Variants in ZNRF1 observed in about 807,000 individuals in gnomAD.
ZNRF1 encodes the protein zinc and ring finger 1, also known as E3 ubiquitin-protein ligase ZNRF1.
Under a neutral mutation model 18.4 loss-of-function variants are expected in ZNRF1, and 3 were observed. The ratio of observed to expected loss-of-function variants is 0.16; its 90% CI spans 0.07 to 0.42. ZNRF1 has a LOEUF of 0.42. ZNRF1 is among the 10% of genes least tolerant of loss of function. ZNRF1 has a pLI of 0.99. For missense variants in ZNRF1, 310 were observed against 329.8 expected (o/e 0.94, Z 0.47); for synonymous variants, 157 against 144.2 (o/e 1.09, Z -0.64).
At chr16:75,060,816 T>C (rs762450558) in intron 1 of ZNRF1, among the ~76,000 whole-genome samples, 22 of 152,246 alleles carry the variant, frequency 1.4e-4, no homozygotes, top group Non-Finnish European at 2.2e-4. Flanking sequence ...GCTTTGATTT[T>C]GATGGTAGAA....
intron 1 of ZNRF1, among the ~76,000 whole-genome samples, chr16:75,064,212 G>T (rs1269589401): frequency 1.3e-5 from 2 of 152,038 alleles, no homozygotes; most frequent in African/African-American, 4.8e-5. Flanking sequence ...GAGTTGGGAG[G>T]ATCAGTTGAG....
intron 1 of ZNRF1, among the ~76,000 whole-genome samples, chr16:75,084,084 C>T (rs2036046825): frequency 6.6e-6 from 1 of 152,224 alleles, no homozygotes; most frequent in African/African-American, 2.4e-5. Context: ...AACACCTGCT[C>T]CCTGGTCACT....
intron 1 of ZNRF1, among the ~76,000 whole-genome samples, chr16:75,058,303 C>T (rs767145690): frequency 2.0e-5 from 3 of 151,974 alleles, no homozygotes; most frequent in Non-Finnish European, 4.4e-5. Context: ...ATCTGAGGAG[C>T]GCTGTGGCTG....
chr16:75,104,908 G>A lies in ZNRF1; in HGVS notation c.626+19G>A. The A allele has an allele frequency of 6.4e-7, 1 of 1,567,350 alleles. No homozygotes were observed. Among genetic ancestry groups the A allele is most frequent in the Non-Finnish European group, 8.7e-7 (1 of 1,152,450 alleles). ...ACAAAAGGTAGGAGGGGTTGGCAAGGTAGCTTAGTGCACCCCACCTCCCAG... is the reference window on the plus strand; with the variant it reads ...ACAAAAGGTAGGAGGGGTTGGCAAGATAGCTTAGTGCACCCCACCTCCCAG... On this transcript the variant is annotated intron_variant, in intron 3 of 4. Coordinates refer to ENST00000335325, the MANE Select transcript of ZNRF1 (RefSeq NM_032268.5).
At chr16:75,085,813 A>T (rs1390241249) in intron 1 of ZNRF1, among the ~76,000 whole-genome samples, 1 of 147,360 alleles carries the variant, frequency 6.8e-6, no homozygotes, top group African/African-American at 2.6e-5. Flanking sequence ...AGAGAGAGAG[A>T]GAGAGTGAGT....
chr16:75,017,586 C>G (rs1002930315), intron 1 of ZNRF1, among the ~76,000 whole-genome samples: 1 of 152,120 alleles, frequency 6.6e-6, no homozygotes, highest in East Asian at 1.9e-4. Context: ...TGATCTGCTC[C>G]TGGGAATTGG....
intron 1 of ZNRF1, among the ~76,000 whole-genome samples, chr16:75,089,766 G>T (rs773829170): frequency 1.3e-5 from 2 of 152,130 alleles, no homozygotes; most frequent in Non-Finnish European, 2.9e-5. Flanking sequence ...TCTAGGACAT[G>T]AATGTCTGGT....
intron 2 of ZNRF1, among the ~76,000 whole-genome samples, chr16:75,098,517 C>T (rs962022459): frequency 6.6e-5 from 10 of 152,214 alleles, no homozygotes; most frequent in African/African-American, 2.4e-4. Flanking sequence ...AGAGCACAGC[C>T]CCCCAGATTT....
At chr16:75,069,590 T>G (rs968391308) in intron 1 of ZNRF1, among the ~76,000 whole-genome samples, 1 of 152,196 alleles carries the variant, frequency 6.6e-6, no homozygotes, top group Non-Finnish European at 1.5e-5. Flanking sequence ...ATTTTTGTAT[T>G]TTTAGTAGAG....
At chr16:75,038,816 G>A (rs1472314118) in intron 1 of ZNRF1, among the ~76,000 whole-genome samples, 1 of 152,038 alleles carries the variant, frequency 6.6e-6, no homozygotes, top group Admixed American at 6.6e-5. Context: ...CCACTCCTTT[G>A]AGCCATACTG....
intron 1 of ZNRF1, among the ~76,000 whole-genome samples, chr16:75,071,323 C>G (rs983489778): frequency 6.6e-6 from 1 of 152,170 alleles, no homozygotes; most frequent in Non-Finnish European, 1.5e-5. Flanking sequence ...TGGTCTCGAA[C>G]TCCTGACCTC....
chr16:75,096,091 TGTGTGTGTG>T, intron 2 of ZNRF1, among the ~76,000 whole-genome samples: 1 of 149,554 alleles, frequency 6.7e-6, no homozygotes. Context: ...TGTGTGTGTG[TGTGTGTGTG>T]TAAACTAGAG....
rs1314284187 is a variant in ZNRF1 at position 75,073,132 on chromosome 16, C to CTG, written c.425-20439_425-20438insGT. On this transcript the variant is annotated intron_variant, in intron 1 of 4. Transcript: ENST00000335325. ...AGTGAGACCCCATCTCTCTCTCTCT[C>CTG]TCTCTCTCTCTCTCTCTCTCTGTCT... Among the ~76,000 whole-genome samples the CTG allele has an allele frequency of 9.3e-5, 12 of 129,480 alleles. No individual in the cohort carries two copies. In the East Asian group the frequency reaches 2.7e-3, roughly 29 times the overall value. 84.9% of individuals were successfully genotyped at this position (129,480 alleles called of 152,430 possible).
intron 1 of ZNRF1, among the ~76,000 whole-genome samples, chr16:75,015,879 G>C (rs957945733): frequency 6.0e-4 from 91 of 151,876 alleles, no homozygotes; most frequent in South Asian, 8.3e-4. Flanking sequence ...CATTTGAGGA[G>C]TAGTAAAGTC....
chr16:75,078,188 G>A (rs879631925), intron 1 of ZNRF1, among the ~76,000 whole-genome samples: 20 of 152,062 alleles, frequency 1.3e-4, no homozygotes, highest in East Asian at 9.7e-4. Context: ...TAACTTGTGC[G>A]TGGAGAAGTC....
At chr16:75,102,006 T>A (rs2036260063) in intron 2 of ZNRF1, among the ~76,000 whole-genome samples, 3 of 152,200 alleles carry the variant, frequency 2.0e-5, no homozygotes, top group Non-Finnish European at 4.4e-5. Flanking sequence ...CCAGATGTTC[T>A]AGACAGAAAA....
intron 3 of ZNRF1, 50 bp downstream of exon 3, chr16:75,104,939 CG>C: frequency 7.0e-7 from 1 of 1,432,270 alleles, no homozygotes; most frequent in Non-Finnish European, 9.6e-7. Context: ...CCCAGAGGGG[CG>C]GACCCCCATC....
intron 1 of ZNRF1, among the ~76,000 whole-genome samples, chr16:75,061,783 G>A (rs2035747836): frequency 6.6e-6 from 1 of 152,136 alleles, no homozygotes; most frequent in Non-Finnish European, 1.5e-5. Context: ...ACTCCTTTAG[G>A]TTTCTTAACA....
intron 1 of ZNRF1, among the ~76,000 whole-genome samples, chr16:75,032,044 C>T (rs56298646): frequency 0.41 from 60,804 of 149,524 alleles, 14,757 homozygotes; most frequent in Non-Finnish European, 0.55. Context: ...CATAGTGGTT[C>T]TGATGTGGTA....
Sources: gnomAD v4.1 joint callset for allele counts (sites outside exome capture counted in the v4.1 genomes callset) on GRCh38, gnomAD v4.1.1 for gene constraint, MANE v1.5 for transcripts, NCBI Gene and HGNC (gene_info 2026-07-23, HGNC 2026-07-21) for gene names.